The following ZNF521 variants were observed in gnomAD, a reference collection of about 807,000 sequenced individuals.
The protein encoded by ZNF521 is LYST-interacting protein 3.
In ZNF521, 14 loss-of-function variants were observed where a neutral mutation model predicts 105.5. That is an observed-to-expected ratio of 0.13 (90% CI 0.09 to 0.21). The LOEUF (loss-of-function observed/expected upper bound fraction) is 0.21. Ranked by LOEUF, ZNF521 falls within the 10% of genes least tolerant of loss-of-function variation. The pLI is 1.00. For synonymous variants in ZNF521, 635 were observed against 606.0 expected (o/e 1.05, Z -0.70); for missense variants, 1,233 against 1,629.7 (o/e 0.76, Z 4.19).
At chr18:25,160,081 C>G (rs576276596) in intron 5 of ZNF521, among the ~76,000 whole-genome samples, 1 of 152,112 alleles carries the variant, frequency 6.6e-6, no homozygotes, top group Admixed American at 6.5e-5. Context: ...ACTCACCTGC[C>G]AGGACACTCT....
At chr18:25,300,024 G>A (rs1051602544) in intron 3 of ZNF521, among the ~76,000 whole-genome samples, 2 of 152,192 alleles carry the variant, frequency 1.3e-5, no homozygotes, top group African/African-American at 4.8e-5. Flanking sequence ...AGAGAACACA[G>A]AAGTATCGCT....
rs1019258662 is a variant in ZNF521 at position 25,224,725 on chromosome 18, A to G, written c.3193T>C (p.Tyr1065His). The G allele has an allele frequency of 2.9e-5, 46 of 1,613,834 alleles. No individual in the cohort carries two copies. Among genetic ancestry groups the G allele is most frequent in the Non-Finnish European group, 3.7e-5 (44 of 1,179,990 alleles). Reference protein sequence around the residue: ...TGRGQHVQKLYKCASCLKEFR... With the variant: ...TGRGQHVQKLHKCASCLKEFR... ...TCTTTGAGGCAAGATGCGCACTTAT[A>G]CAGTTTTTGGACGTGCTGGCCCCGC... Residue 1065 changes from tyrosine (Y) to histidine (H), a missense_variant, in exon 4 of 8, where the codon TAT becomes CAT. Tyr to His is a moderately conservative substitution (Grantham distance 83, BLOSUM62 2). Coordinates refer to ENST00000361524, the MANE Select transcript of ZNF521 (RefSeq NM_015461.3).
chr18:25,269,933 C>G (rs1394422661), intron 3 of ZNF521, among the ~76,000 whole-genome samples: 2 of 152,068 alleles, frequency 1.3e-5, no homozygotes, highest in Non-Finnish European at 2.9e-5. Context: ...CAAGAAATAA[C>G]TAAGATCAAA....
At chr18:25,285,547 T>C (rs952037066) in intron 3 of ZNF521, among the ~76,000 whole-genome samples, 3 of 152,210 alleles carry the variant, frequency 2.0e-5, no homozygotes, top group African/African-American at 4.8e-5. Context: ...CCATGTTTTA[T>C]ACATTACCCG....
intron 3 of ZNF521, among the ~76,000 whole-genome samples, chr18:25,321,009 T>C (rs1357637565): frequency 6.6e-6 from 1 of 152,178 alleles, no homozygotes; most frequent in East Asian, 1.9e-4. Flanking sequence ...CTTGTTAAAA[T>C]AGAACACACT....
intron 5 of ZNF521, among the ~76,000 whole-genome samples, chr18:25,160,661 C>A (rs2035234761): frequency 6.6e-6 from 1 of 152,182 alleles, no homozygotes; most frequent in South Asian, 2.1e-4. Flanking sequence ...TTCTTTACAG[C>A]ACTTTGTACA....
intron 2 of ZNF521, among the ~76,000 whole-genome samples, chr18:25,328,736 T>C (rs1341858432): frequency 1.3e-5 from 2 of 151,980 alleles, no homozygotes; most frequent in African/African-American, 4.8e-5. Flanking sequence ...GTATTTTTAG[T>C]AGAGACCAGG....
intron 7 of ZNF521, among the ~76,000 whole-genome samples, chr18:25,072,714 A>G (rs1223676917): frequency 6.6e-6 from 1 of 152,160 alleles, no homozygotes; most frequent in Non-Finnish European, 1.5e-5. Flanking sequence ...TGAGAGGGAG[A>G]GTGTAAAGAT....
chr18:25,267,070 G>A (rs753757075), intron 3 of ZNF521, among the ~76,000 whole-genome samples: 2 of 152,130 alleles, frequency 1.3e-5, no homozygotes, highest in Non-Finnish European at 2.9e-5. Context: ...GGTTGACCTG[G>A]GATGCTTGAG....
At chr18:25,231,941 C>T (rs1906559276) in intron 3 of ZNF521, among the ~76,000 whole-genome samples, 1 of 152,172 alleles carries the variant, frequency 6.6e-6, no homozygotes, top group South Asian at 2.1e-4. Context: ...CTTCATAGGG[C>T]CTGGTCTGCA....
At chr18:25,328,402 A>AACACACAC (rs57967888) in intron 2 of ZNF521, among the ~76,000 whole-genome samples, 66 of 141,768 alleles carry the variant, frequency 4.7e-4, no homozygotes, top group South Asian at 4.8e-4. Context: ...GGGGAGGTTA[A>AACACACAC]ACACACACAC....
At chr18:25,115,455 C>A (rs1447974455) in intron 5 of ZNF521, among the ~76,000 whole-genome samples, 10 of 151,604 alleles carry the variant, frequency 6.6e-5, no homozygotes, top group South Asian at 2.1e-4. Context: ...TAAAAAAAAA[C>A]AGAAAAAGAA....
intron 7 of ZNF521, among the ~76,000 whole-genome samples, chr18:25,081,303 A>G (rs577858496): frequency 6.6e-6 from 1 of 152,208 alleles, no homozygotes; most frequent in African/African-American, 2.4e-5. Context: ...CTGTTGGAGG[A>G]GGGAGCGAGT....
At chr18:25,280,715 G>T (rs1247584225) in intron 3 of ZNF521, among the ~76,000 whole-genome samples, 1 of 152,122 alleles carries the variant, frequency 6.6e-6, no homozygotes, top group Non-Finnish European at 1.5e-5. Context: ...ACCCTTATTT[G>T]TTTCTGATCA....
intron 3 of ZNF521, among the ~76,000 whole-genome samples, chr18:25,241,259 A>G (rs1449563786): frequency 6.6e-6 from 1 of 152,196 alleles, no homozygotes; most frequent in African/African-American, 2.4e-5. Flanking sequence ...CCCTCTCCTG[A>G]GAGTGATGCC....
chr18:25,124,587 A>T (rs1026984197), intron 5 of ZNF521, among the ~76,000 whole-genome samples: 1 of 151,476 alleles, frequency 6.6e-6, no homozygotes, highest in Non-Finnish European at 1.5e-5. Flanking sequence ...CTTGTCCTTA[A>T]CTCTTACTCA....
chr18:25,255,961 C>T (rs1040958909), intron 3 of ZNF521, among the ~76,000 whole-genome samples: 1 of 138,646 alleles, frequency 7.2e-6, no homozygotes. Flanking sequence ...ATATATATAT[C>T]GTATATATAT....
chr18:25,281,897 C>G (rs979366672), intron 3 of ZNF521, among the ~76,000 whole-genome samples: 2 of 151,936 alleles, frequency 1.3e-5, no homozygotes, highest in Non-Finnish European at 1.5e-5. Context: ...GGTACTTCAT[C>G]AGCATTTACT....
At position 25,156,283 on chromosome 18, in the gene ZNF521, T is replaced by C. The variant is rs147305224; in HGVS notation, c.3658+38877A>G. 2.8e-3 allele frequency among the ~76,000 whole-genome samples: 422 copies of C among 152,356 alleles called. 2 individuals carry two copies. Among genetic ancestry groups the C allele is most frequent in the African/African-American group, 9.6e-3 (399 of 41,586 alleles). On this transcript the variant is annotated intron_variant, in intron 5 of 7. Transcript: ENST00000361524. Reference sequence around the variant, plus strand: ...CTTGTTTAATGCCACTCAATTAGAATGGCAGAGCCAAATTGAGAGTCCAGT... The same window carrying C: ...CTTGTTTAATGCCACTCAATTAGAACGGCAGAGCCAAATTGAGAGTCCAGT...
Sources: allele counts gnomAD v4.1 joint callset (sites outside exome capture counted in the v4.1 genomes callset), GRCh38; gene constraint gnomAD v4.1.1; transcripts MANE v1.5; gene names NCBI Gene and HGNC (gene_info 2026-07-23, HGNC 2026-07-21).